The following MSRA variants were observed in gnomAD, a reference collection of about 807,000 sequenced individuals.
MSRA encodes the protein mitochondrial peptide methionine sulfoxide reductase.
Under a neutral mutation model 31.3 loss-of-function variants are expected in MSRA, and 54 were observed. The observed-to-expected ratio is 1.73, with a 90% confidence interval of 1.39 to 2.17. The LOEUF (loss-of-function observed/expected upper bound fraction) is 2.17. MSRA is among the 30% of genes most tolerant of loss of function. The pLI, the probability that MSRA is intolerant of heterozygous loss-of-function variation, is 0.00. For missense variants in MSRA, 507 were observed against 300.9 expected (o/e 1.69, Z -5.07); for synonymous variants, 169 against 116.5 (o/e 1.45, Z -2.90).
intron 5 of MSRA, among the ~76,000 whole-genome samples, chr8:10,404,329 C>G (rs1266754950): frequency 3.3e-5 from 5 of 152,190 alleles, no homozygotes; most frequent in African/African-American, 1.2e-4. Flanking sequence ...CACTAGATGC[C>G]TTTCTCCCCA....
intron 4 of MSRA, among the ~76,000 whole-genome samples, chr8:10,317,134 C>T (rs961938696): frequency 2.0e-5 from 3 of 152,192 alleles, no homozygotes; most frequent in South Asian, 2.1e-4. Flanking sequence ...AGATTGCTCC[C>T]GCAAAGCTCC....
intron 5 of MSRA, among the ~76,000 whole-genome samples, chr8:10,333,776 C>T (rs1802848436): frequency 6.6e-6 from 1 of 151,788 alleles, no homozygotes; most frequent in Non-Finnish European, 1.5e-5. Flanking sequence ...TCCTCTGACC[C>T]TTATGAGAGT....
At chr8:10,416,407 G>A (rs1309552306) in intron 5 of MSRA, among the ~76,000 whole-genome samples, 1 of 152,218 alleles carries the variant, frequency 6.6e-6, no homozygotes, top group Admixed American at 6.5e-5. Context: ...ACCAACGCAG[G>A]AAATAAACGA....
chr8:10,225,773 A>G (rs960001733), intron 2 of MSRA, among the ~76,000 whole-genome samples: 1 of 152,126 alleles, frequency 6.6e-6, no homozygotes, highest in Non-Finnish European at 1.5e-5. Context: ...AGCCTCAGAG[A>G]GGAGGGATGC....
intron 5 of MSRA, among the ~76,000 whole-genome samples, chr8:10,353,202 G>T (rs1030440625): frequency 6.6e-6 from 1 of 152,214 alleles, no homozygotes; most frequent in Non-Finnish European, 1.5e-5. Flanking sequence ...TTGACATGTT[G>T]CAGAACATTC....
At chr8:10,325,804 G>C (rs1281220072) in intron 5 of MSRA, among the ~76,000 whole-genome samples, 2 of 152,202 alleles carry the variant, frequency 1.3e-5, no homozygotes, top group African/African-American at 4.8e-5. Flanking sequence ...AAGGAGAGCA[G>C]GGAGCTGAAG....
chr8:10,289,426 G>C (rs1800113818), intron 3 of MSRA, among the ~76,000 whole-genome samples: 2 of 152,034 alleles, frequency 1.3e-5, no homozygotes, highest in African/African-American at 4.8e-5. Flanking sequence ...GGGTACATGA[G>C]CTGTTTTGAT....
chr8:10,081,060 G>C (rs1219235689), intron 1 of MSRA, among the ~76,000 whole-genome samples: 1 of 152,240 alleles, frequency 6.6e-6, no homozygotes, highest in Non-Finnish European at 1.5e-5. Context: ...GATTAAAATG[G>C]AGGCAGGGCA....
intron 1 of MSRA, among the ~76,000 whole-genome samples, chr8:10,167,960 A>G (rs377360137): frequency 1.3e-5 from 2 of 152,174 alleles, no homozygotes; most frequent in East Asian, 1.9e-4. Context: ...CCAGGAATGG[A>G]GAAGCTCTGT....
intron 5 of MSRA, among the ~76,000 whole-genome samples, chr8:10,386,901 AAG>A (rs1375629331): frequency 3.3e-5 from 5 of 149,556 alleles, no homozygotes; most frequent in Admixed American, 1.3e-4. Context: ...AACAGTCTCC[AAG>A]AGTCTTCAGA....
intron 4 of MSRA, among the ~76,000 whole-genome samples, chr8:10,302,934 G>C (rs778449731): frequency 1.3e-5 from 2 of 152,192 alleles, no homozygotes; most frequent in African/African-American, 2.4e-5. Flanking sequence ...CACTTCATGT[G>C]GGAAGGCAGG....
chr8:10,207,187 C>T (rs1416567672), intron 1 of MSRA, among the ~76,000 whole-genome samples: 1 of 152,146 alleles, frequency 6.6e-6, no homozygotes, highest in Admixed American at 6.5e-5. Context: ...CTTGTTACTT[C>T]CGAGTCCTCA....
At chr8:10,171,209 C>G (rs1805558760) in intron 1 of MSRA, among the ~76,000 whole-genome samples, 1 of 152,188 alleles carries the variant, frequency 6.6e-6, no homozygotes, top group African/African-American at 2.4e-5. Context: ...TAGAATGCTG[C>G]TGGTTGGGAG....
intron 5 of MSRA, among the ~76,000 whole-genome samples, chr8:10,417,640 G>A (rs968300974): frequency 6.6e-6 from 1 of 151,454 alleles, no homozygotes; most frequent in Non-Finnish European, 1.5e-5. Context: ...AGCCATCCCA[G>A]TCATTTCACA....
At chr8:10,337,089 A>G (rs946286739) in intron 5 of MSRA, 8 of 152,248 alleles carry the variant, frequency 5.3e-5, no homozygotes, top group Admixed American at 5.2e-4. Flanking sequence ...ACCTGTCTGC[A>G]AAGGTAAACT....
chr8:10,319,078 A>T (rs1563345206), intron 4 of MSRA, among the ~76,000 whole-genome samples: 1 of 151,638 alleles, frequency 6.6e-6, no homozygotes, highest in Non-Finnish European at 1.5e-5. Context: ...GAAACCTTGC[A>T]TTTTTTTTAA....
At chr8:10,294,787 A>G (rs1800440609) in intron 3 of MSRA, among the ~76,000 whole-genome samples, 2 of 151,404 alleles carry the variant, frequency 1.3e-5, no homozygotes, top group Admixed American at 1.3e-4. Flanking sequence ...CTGAGGAACC[A>G]GTTGTTTGTC....
chr8:10,068,328 A>C (rs1244389826), intron 1 of MSRA, among the ~76,000 whole-genome samples: 2 of 152,208 alleles, frequency 1.3e-5, no homozygotes, highest in African/African-American at 4.8e-5. Flanking sequence ...TTTAAATGAC[A>C]TCCAGCTTGT....
At chr8:10,324,980 T>C (rs1200090166) in intron 5 of MSRA, among the ~76,000 whole-genome samples, 1 of 152,146 alleles carries the variant, frequency 6.6e-6, no homozygotes, top group Non-Finnish European at 1.5e-5. Context: ...GCGTTGAGTG[T>C]AAGATTGGGC....
Sources: gnomAD v4.1 joint callset for allele counts (sites outside exome capture counted in the v4.1 genomes callset) on GRCh38, gnomAD v4.1.1 for gene constraint, MANE v1.5 for transcripts, NCBI Gene and HGNC (gene_info 2026-07-23, HGNC 2026-07-21) for gene names.